CADM3: variants seen among roughly 807,000 people sequenced by gnomAD.
CADM3 encodes cell adhesion molecule 3, also known as TSLC1-like 1.
CADM3 carries 11 observed loss-of-function variants against 44.9 expected under a neutral mutation model. The ratio of observed to expected loss-of-function variants is 0.25; its 90% CI spans 0.15 to 0.41. The LOEUF (loss-of-function observed/expected upper bound fraction) is 0.41, where lower values mean the gene tolerates loss of function less well. Among genes scored for constraint, CADM3 ranks in the 10% least tolerant of loss-of-function variants. The pLI is 1.00. For synonymous variants in CADM3, 207 were observed against 205.2 expected (o/e 1.01, Z -0.08); for missense variants, 426 against 512.0 (o/e 0.83, Z 1.62).
chr1:159,193,732 C>T, intron 4 of CADM3, 138 bp from the exon 5 acceptor site: 1 of 1,433,118 alleles, frequency 7.0e-7, no homozygotes, highest in South Asian at 1.2e-5. Flanking sequence ...TTCTCCCTGC[C>T]ACAACTTTCT....
At chr1:159,194,301 A>G in intron 5 of CADM3, 1 of 357,758 alleles carries the variant, frequency 2.8e-6, no homozygotes, top group African/African-American at 2.1e-5. Context: ...AGTCATAGAC[A>G]ATATGTAAAC....
At chr1:159,172,874 C>T (rs1648872803) in intron 1 of CADM3, among the ~76,000 whole-genome samples, 1 of 152,094 alleles carries the variant, frequency 6.6e-6, no homozygotes, top group South Asian at 2.1e-4. Flanking sequence ...TTCTTAAAGG[C>T]TACTAACGGT....
At chr1:159,195,950 C>CT (rs1460726674) in intron 5 of CADM3, 1 of 159,782 alleles carries the variant, frequency 6.3e-6, no homozygotes, top group Non-Finnish European at 1.4e-5. Flanking sequence ...GCTTCCAGTT[C>CT]TAAGCTCCCT....
At chr1:159,199,020 T>C (rs919533394) in intron 7 of CADM3, among the ~76,000 whole-genome samples, 1 of 152,164 alleles carries the variant, frequency 6.6e-6, no homozygotes, top group African/African-American at 2.4e-5. Context: ...GGGGTTTCAC[T>C]GGAACACTAA....
chr1:159,192,775 A>G (rs1166176297), intron 3 of CADM3, 45 bp downstream of exon 3: 1 of 1,584,128 alleles, frequency 6.3e-7, no homozygotes, highest in South Asian at 1.1e-5. Flanking sequence ...GCTTCCTTGC[A>G]AACAAACCTC....
At chr1:159,196,822 A>ATTTT in intron 6 of CADM3, 69 bp from the exon 7 acceptor site, 1 of 1,138,482 alleles carries the variant, frequency 8.8e-7, no homozygotes. Context: ...GCTCCCAGTT[A>ATTTT]TTTTTTTTTT....
At chr1:159,199,402 GAGGAAGGA>G (rs59474463) in intron 7 of CADM3, among the ~76,000 whole-genome samples, 27 of 148,866 alleles carry the variant, frequency 1.8e-4, no homozygotes, top group South Asian at 1.1e-3. Flanking sequence ...CGGAGGGAGG[GAGGAAGGA>G]AGGAAGGAAG....
At chr1:159,199,664 T>A in intron 7 of CADM3, 87 bp from the exon 8 acceptor site, 2 of 1,567,664 alleles carry the variant, frequency 1.3e-6, no homozygotes, top group Non-Finnish European at 1.8e-6. Context: ...TGTTCCCTGC[T>A]GTGTAAGACT....
At chr1:159,193,685 G>A (rs922926271) in intron 4 of CADM3, 125 bp downstream of exon 4, 2 of 1,435,000 alleles carry the variant, frequency 1.4e-6, no homozygotes, top group Non-Finnish European at 1.9e-6. Flanking sequence ...TATATTTTGT[G>A]TGCACTCAAG....
chr1:159,199,165 C>A (rs1031661248), intron 7 of CADM3, among the ~76,000 whole-genome samples: 1 of 152,056 alleles, frequency 6.6e-6, no homozygotes, highest in African/African-American at 2.4e-5. Context: ...CCTTCCCTAT[C>A]TGATCTTAGG....
At chr1:159,188,928 A>G (rs1347992512) in intron 1 of CADM3, among the ~76,000 whole-genome samples, 1 of 152,180 alleles carries the variant, frequency 6.6e-6, no homozygotes, top group Admixed American at 6.5e-5. Flanking sequence ...GAGCCACCTT[A>G]TAGGAAGAGA....
At chr1:159,200,315 A>G (rs1650109680) in intron 8 of CADM3, among the ~76,000 whole-genome samples, 1 of 151,084 alleles carries the variant, frequency 6.6e-6, no homozygotes, top group African/African-American at 2.4e-5. Flanking sequence ...TCTTATATCC[A>G]TGCCTTCTCT....
At position 159,203,055 on chromosome 1, in the gene CADM3, G is replaced by C. The variant is rs1175940152; in HGVS notation, c.*2133G>C. 5.3e-5 allele frequency: 8 copies of C among 151,720 alleles called. No individual in the cohort carries two copies. Among genetic ancestry groups the C allele is most frequent in the African/African-American group, 1.9e-4 (8 of 41,262 alleles). 9.4% of individuals were successfully genotyped at this position (151,720 alleles called of 1,614,324 possible). A position where few individuals can be genotyped will look rare whatever the true frequency, so the allele number is the denominator to read the frequency against. On this transcript the variant is annotated 3_prime_UTR_variant, in exon 9 of 9. Coordinates refer to ENST00000368125, the MANE Select transcript of CADM3 (RefSeq NM_001127173.3). ...TGGGGGGGTGGGGGAAGGGAGCAGG[G>C]AGGGGACCGTGTATCTTTATAATCT...
intron 1 of CADM3, chr1:159,178,566 C>A (rs1649113950): frequency 6.6e-6 from 1 of 152,154 alleles, no homozygotes; most frequent in Non-Finnish European, 1.5e-5. Context: ...TAGGAGAAAA[C>A]AAATATCAAA....
intron 1 of CADM3, among the ~76,000 whole-genome samples, chr1:159,184,213 A>C (rs1025591735): frequency 2.0e-4 from 31 of 152,354 alleles, no homozygotes; most frequent in African/African-American, 7.0e-4. Flanking sequence ...AGCTGGGGTT[A>C]GGGAAAAATG....
intron 1 of CADM3, among the ~76,000 whole-genome samples, chr1:159,187,494 T>C (rs1403338266): frequency 6.6e-6 from 1 of 152,232 alleles, no homozygotes; most frequent in Non-Finnish European, 1.5e-5. Flanking sequence ...TAAAAAGCAG[T>C]TCTATCTGGC....
chr1:159,197,348 G>T (rs1649948365), intron 7 of CADM3: 3 of 319,028 alleles, frequency 9.4e-6, no homozygotes, highest in Non-Finnish European at 1.7e-5. Context: ...CTGACAACAA[G>T]AACAATAATT....
chr1:159,191,307 G>C (rs553140719), intron 1 of CADM3, among the ~76,000 whole-genome samples: 1 of 152,138 alleles, frequency 6.6e-6, no homozygotes, highest in Non-Finnish European at 1.5e-5. Context: ...CTAATACCAC[G>C]GGGAATATGC....
Position 159,202,490 on chromosome 1 carries a change from A to AT in CADM3, c.*1574dup, listed in dbSNP as rs1313786100. The AT allele has an allele frequency of 6.6e-6, 1 of 151,904 alleles. No individual in the cohort carries two copies. The highest frequency in any genetic ancestry group is 2.4e-5 in the African/African-American group (1 of 41,206). The allele number at this position is 151,904 out of a possible 1,614,324, so 9.4% of individuals were successfully genotyped here. On this transcript the variant is annotated 3_prime_UTR_variant, in exon 9 of 9. Transcript: ENST00000368125. ...ACCCTGGAAAGACCTACCACCACCT[A>AT]TTTTTTCCCATAGTCTGTACCCAGT...
Sources: allele counts gnomAD v4.1 joint callset (sites outside exome capture counted in the v4.1 genomes callset), GRCh38; gene constraint gnomAD v4.1.1; transcripts MANE v1.5; gene names NCBI Gene and HGNC (gene_info 2026-07-23, HGNC 2026-07-21).